Variants in NDST4 observed in about 807,000 individuals in gnomAD.
NDST4 encodes N-deacetylase and N-sulfotransferase 4.
In NDST4, 63 loss-of-function variants were observed where a neutral mutation model predicts 100.8. The observed-to-expected ratio is 0.62, with a 90% CI of 0.51 to 0.77. NDST4 has a LOEUF of 0.77. NDST4 is among the 30% of genes least tolerant of loss of function. The pLI is 0.00. For synonymous variants in NDST4, 377 were observed against 361.8 expected (o/e 1.04, Z -0.48); for missense variants, 943 against 1,018.4 (o/e 0.93, Z 1.01).
chr4:114,892,536 C>T (rs1285014814), intron 6 of NDST4, among the ~76,000 whole-genome samples: 1 of 152,024 alleles, frequency 6.6e-6, no homozygotes, highest in African/African-American at 2.4e-5. Context: ...ATTTCACATC[C>T]CTACCACTTA....
At chr4:115,006,031 C>CAAAAAAA (rs33988343) in intron 2 of NDST4, among the ~76,000 whole-genome samples, 28 of 99,472 alleles carry the variant, frequency 2.8e-4, no homozygotes, top group African/African-American at 8.8e-4. Context: ...GACTCTATCT[C>CAAAAAAA]AAAAAAAAAA....
At chr4:114,975,970 C>T (rs1040013565) in intron 3 of NDST4, among the ~76,000 whole-genome samples, 1 of 152,006 alleles carries the variant, frequency 6.6e-6, no homozygotes, top group Non-Finnish European at 1.5e-5. Flanking sequence ...TGCAAAACAT[C>T]CTTTTAAAAT....
At chr4:115,016,842 C>T (rs764199790) in intron 2 of NDST4, among the ~76,000 whole-genome samples, 1 of 151,926 alleles carries the variant, frequency 6.6e-6, no homozygotes, top group African/African-American at 2.4e-5. Flanking sequence ...GAAGTATGAC[C>T]CCCTGAGGTG....
intron 10 of NDST4, among the ~76,000 whole-genome samples, chr4:114,843,799 C>T (rs1723483179): frequency 6.6e-6 from 1 of 152,092 alleles, no homozygotes; most frequent in African/African-American, 2.4e-5. Context: ...CTGCACTTTT[C>T]ATCTCTAAAC....
intron 2 of NDST4, among the ~76,000 whole-genome samples, chr4:115,022,782 T>C (rs1300666113): frequency 6.6e-6 from 1 of 152,062 alleles, no homozygotes; most frequent in Non-Finnish European, 1.5e-5. Context: ...CGTGAATGAG[T>C]GCCACAAGAT....
At chr4:115,048,949 A>C (rs1728523693) in intron 2 of NDST4, among the ~76,000 whole-genome samples, 2 of 152,094 alleles carry the variant, frequency 1.3e-5, no homozygotes, top group African/African-American at 4.8e-5. Flanking sequence ...CACATTATGA[A>C]TTTTTGTGCG....
intron 2 of NDST4, among the ~76,000 whole-genome samples, chr4:114,993,081 TAGTA>T (rs1727076062): frequency 6.6e-6 from 1 of 151,940 alleles, no homozygotes; most frequent in Non-Finnish European, 1.5e-5. Context: ...GTACTATAGA[TAGTA>T]AGTGCTTAGA....
intron 2 of NDST4, among the ~76,000 whole-genome samples, chr4:115,007,091 T>C (rs74960779): frequency 0.012 from 1,813 of 152,274 alleles, 39 homozygotes; most frequent in African/African-American, 0.04. Flanking sequence ...AATTCTCCAT[T>C]TTATATCTCA....
chr4:115,023,965 G>A (rs936743986), intron 2 of NDST4, among the ~76,000 whole-genome samples: 2 of 127,606 alleles, frequency 1.6e-5, no homozygotes, highest in Admixed American at 7.0e-5. Context: ...GCCTAGCCAC[G>A]CTCAAGTGGC....
At chr4:115,057,735 G>GACAC (rs35061218) in intron 2 of NDST4, among the ~76,000 whole-genome samples, 78 of 141,748 alleles carry the variant, frequency 5.5e-4, no homozygotes, top group African/African-American at 1.5e-3. Flanking sequence ...CACACACACA[G>GACAC]ACACACACAC....
intron 2 of NDST4, among the ~76,000 whole-genome samples, chr4:114,993,167 A>C (rs572977280): frequency 1.3e-5 from 2 of 152,078 alleles, no homozygotes; most frequent in South Asian, 4.1e-4. Flanking sequence ...CTGAGGCATT[A>C]CAAATATTTT....
At chr4:115,102,704 C>CTTTTTTTTTTTTTTTTT (rs751431042) in intron 1 of NDST4, among the ~76,000 whole-genome samples, 8 of 90,578 alleles carry the variant, frequency 8.8e-5, no homozygotes, top group South Asian at 3.8e-4. Context: ...TTCTGACTTC[C>CTTTTTTTTTTTTTTTTT]TTTTTTTTTT....
At chr4:114,837,737 T>C (rs1172369738) in intron 11 of NDST4, among the ~76,000 whole-genome samples, 1 of 152,120 alleles carries the variant, frequency 6.6e-6, no homozygotes, top group Non-Finnish European at 1.5e-5. Flanking sequence ...GAAGAAAACC[T>C]AGGCAATACC....
At chr4:114,873,469 T>C (rs1441637) in intron 6 of NDST4, among the ~76,000 whole-genome samples, 11,899 of 151,882 alleles carry the variant, frequency 0.078, 518 homozygotes, top group African/African-American at 0.11. Context: ...AGTAAAATCA[T>C]TATATCAACT....
chr4:114,846,310 G>A (rs991059988), intron 9 of NDST4, among the ~76,000 whole-genome samples: 1 of 152,114 alleles, frequency 6.6e-6, no homozygotes, highest in Admixed American at 6.5e-5. Flanking sequence ...AATACTATTT[G>A]CCTGTGGCAA....
chr4:115,037,236 C>T (rs1320957431), intron 2 of NDST4, among the ~76,000 whole-genome samples: 1 of 151,948 alleles, frequency 6.6e-6, no homozygotes, highest in Non-Finnish European at 1.5e-5. Context: ...TGGTAGAGAC[C>T]AGTGACCCAA....
At chr4:114,889,946 T>A (rs1724558758) in intron 6 of NDST4, among the ~76,000 whole-genome samples, 1 of 152,160 alleles carries the variant, frequency 6.6e-6, no homozygotes, top group Non-Finnish European at 1.5e-5. Flanking sequence ...TTTTCGAAGG[T>A]ATAATATATT....
chr4:115,057,162 G>A (rs902357523), intron 2 of NDST4, among the ~76,000 whole-genome samples: 10 of 152,114 alleles, frequency 6.6e-5, no homozygotes, highest in African/African-American at 2.4e-4. Flanking sequence ...TAAATGGTCC[G>A]TGGTTAGCAA....
At chr4:115,073,658 A>G (rs371775919) in intron 2 of NDST4, among the ~76,000 whole-genome samples, 22 of 151,972 alleles carry the variant, frequency 1.4e-4, no homozygotes, top group African/African-American at 5.1e-4. Context: ...AGAGGTTGAG[A>G]GTGAAGAGGT....
Sources: allele counts gnomAD v4.1 joint callset (sites outside exome capture counted in the v4.1 genomes callset), GRCh38; gene constraint gnomAD v4.1.1; transcripts MANE v1.5; gene names NCBI Gene and HGNC (gene_info 2026-07-23, HGNC 2026-07-21).